CTNNA2: variants seen among roughly 807,000 people sequenced by gnomAD.
CTNNA2 encodes catenin alpha 2, also known as catenin alpha-2.
CTNNA2 carries 42 observed loss-of-function variants against 101.0 expected under a neutral mutation model. The ratio of observed to expected loss-of-function variants is 0.42; its 90% CI spans 0.32 to 0.54. The LOEUF is 0.54. Among genes scored for constraint, CTNNA2 ranks in the 20% least tolerant of loss-of-function variants. CTNNA2 has a pLI of 0.14. For missense variants in CTNNA2, 871 were observed against 1,223.1 expected (o/e 0.71, Z 4.29); for synonymous variants, 450 against 456.4 (o/e 0.99, Z 0.18).
chr2:79,225,626 T>C (rs1171359015), intron 2 of CTNNA2, among the ~76,000 whole-genome samples: 3 of 152,150 alleles, frequency 2.0e-5, no homozygotes, highest in South Asian at 2.1e-4. Context: ...ATGAAGTTGA[T>C]CATTACCAAA....
At chr2:79,267,469 G>C (rs929757511) in intron 2 of CTNNA2, among the ~76,000 whole-genome samples, 1 of 152,128 alleles carries the variant, frequency 6.6e-6, no homozygotes, top group Non-Finnish European at 1.5e-5. Flanking sequence ...GAGGCCTCAT[G>C]ACCTAATCAC....
intron 3 of CTNNA2, among the ~76,000 whole-genome samples, chr2:79,812,578 A>G (rs1677133423): frequency 6.6e-6 from 1 of 152,292 alleles, no homozygotes; most frequent in Non-Finnish European, 1.5e-5. Context: ...TATATAAGAA[A>G]CCTTATGATC....
intron 8 of CTNNA2, among the ~76,000 whole-genome samples, chr2:80,415,805 A>T (rs979397785): frequency 2.0e-5 from 3 of 152,206 alleles, no homozygotes; most frequent in Non-Finnish European, 2.9e-5. Flanking sequence ...TAAATGGATT[A>T]AAAAATGTGA....
chr2:79,567,587 T>A (rs1313918974), intron 1 of CTNNA2, among the ~76,000 whole-genome samples: 1 of 152,020 alleles, frequency 6.6e-6, no homozygotes, highest in Admixed American at 6.6e-5. Flanking sequence ...AGCCTTCACC[T>A]CTCATCCCAG....
In CTNNA2 at chr2:80,452,366, C is replaced by A. The variant is rs984135040; in HGVS notation, c.1290+32765C>A. Among the ~76,000 whole-genome samples, 4 of 151,642 alleles carry A rather than the reference C, an allele frequency of 2.6e-5. 1 individual carries two copies. Among genetic ancestry groups the A allele is most frequent in the African/African-American group, 4.9e-5 (2 of 40,920 alleles). On this transcript the variant is annotated intron_variant, in intron 9 of 18. Transcript: ENST00000402739. ...AGGTACCATAAACATGGATGAGTAA[C>A]ACAGATGTGATCCCTGCTTCTGATG... is the stretch of plus-strand genomic sequence containing the variant.
At chr2:79,553,368 T>C (rs1359846588) in intron 1 of CTNNA2, among the ~76,000 whole-genome samples, 2 of 152,180 alleles carry the variant, frequency 1.3e-5, no homozygotes, top group African/African-American at 4.8e-5. Context: ...TTCCAACCTC[T>C]TCCCGTTACC....
intron 18 of CTNNA2, among the ~76,000 whole-genome samples, chr2:80,643,532 T>C (rs933004460): frequency 6.6e-6 from 1 of 152,112 alleles, no homozygotes; most frequent in Non-Finnish European, 1.5e-5. Context: ...TAATGGGATA[T>C]CCTATAGGAA....
intron 7 of CTNNA2, among the ~76,000 whole-genome samples, chr2:79,930,070 C>T (rs1294590411): frequency 4.6e-5 from 7 of 151,968 alleles, no homozygotes; most frequent in Non-Finnish European, 8.8e-5. Context: ...AACCCCATCT[C>T]TACTAAAAAT....
chr2:79,467,365 T>C (rs1187331124), intron 4 of CTNNA2, among the ~76,000 whole-genome samples: 1 of 152,086 alleles, frequency 6.6e-6, no homozygotes, highest in African/African-American at 2.4e-5. Flanking sequence ...TTCCAAGAAA[T>C]TTGGGACTAT....
intron 9 of CTNNA2, among the ~76,000 whole-genome samples, chr2:80,532,592 C>G (rs921965882): frequency 5.9e-5 from 9 of 152,098 alleles, no homozygotes; most frequent in Non-Finnish European, 1.0e-4. Flanking sequence ...TCCCAGGTTA[C>G]AAATTAAACT....
intron 5 of CTNNA2, among the ~76,000 whole-genome samples, chr2:79,870,765 T>G (rs1183878191): frequency 1.3e-5 from 2 of 152,078 alleles, no homozygotes; most frequent in East Asian, 3.9e-4. Flanking sequence ...GAAAACTGCC[T>G]TATAAAACCA....
At chr2:79,365,023 T>C (rs1043622741) in intron 3 of CTNNA2, among the ~76,000 whole-genome samples, 2 of 152,110 alleles carry the variant, frequency 1.3e-5, no homozygotes, top group African/African-American at 4.8e-5. Context: ...ATGCCTGTAA[T>C]TCAATACTTT....
At chr2:79,356,013 C>T (rs755574457) in intron 3 of CTNNA2, among the ~76,000 whole-genome samples, 18 of 151,718 alleles carry the variant, frequency 1.2e-4, no homozygotes, top group African/African-American at 2.2e-4. Context: ...TGTATAACCA[C>T]GTAACTGTTT....
At chr2:80,125,110 C>T (rs529501523) in intron 7 of CTNNA2, among the ~76,000 whole-genome samples, 1 of 152,272 alleles carries the variant, frequency 6.6e-6, no homozygotes, top group African/African-American at 2.4e-5. Context: ...TAGGTTTTGT[C>T]TGAAACGATT....
intron 3 of CTNNA2, among the ~76,000 whole-genome samples, chr2:79,360,462 CAA>C (rs767351198): frequency 6.6e-6 from 1 of 152,090 alleles, no homozygotes; most frequent in Non-Finnish European, 1.5e-5. Flanking sequence ...ATAGGGGAAA[CAA>C]AGAAATGAGA....
intron 2 of CTNNA2, among the ~76,000 whole-genome samples, chr2:79,219,358 G>A (rs2104217508): frequency 6.6e-6 from 1 of 152,256 alleles, no homozygotes; most frequent in South Asian, 2.1e-4. Flanking sequence ...AAATGGAAAT[G>A]TTTTATTTCG....
chr2:80,354,951 A>T (rs2149305068), intron 7 of CTNNA2, among the ~76,000 whole-genome samples: 1 of 151,996 alleles, frequency 6.6e-6, no homozygotes, highest in Middle Eastern at 3.4e-3. Flanking sequence ...CCTCTAAACC[A>T]CTCTAATACC....
chr2:80,023,160 G>T (rs1270391774), intron 7 of CTNNA2, among the ~76,000 whole-genome samples: 1 of 152,146 alleles, frequency 6.6e-6, no homozygotes, highest in East Asian at 1.9e-4. Flanking sequence ...CCCTAAACTG[G>T]TACTTTCCCA....
chr2:80,262,286 C>G (rs546230887), intron 7 of CTNNA2, among the ~76,000 whole-genome samples: 1 of 151,960 alleles, frequency 6.6e-6, no homozygotes, highest in African/African-American at 2.4e-5. Flanking sequence ...GATAATCTTT[C>G]CATTTGTTAA....
Sources: gnomAD v4.1 joint callset for allele counts (sites outside exome capture counted in the v4.1 genomes callset) on GRCh38, gnomAD v4.1.1 for gene constraint, MANE v1.5 for transcripts, NCBI Gene and HGNC (gene_info 2026-07-23, HGNC 2026-07-21) for gene names.